The following VAC14 variants were observed in gnomAD, a reference collection of about 807,000 sequenced individuals.
VAC14 encodes VAC14 component of PIKFYVE complex.
Under a neutral mutation model 85.3 loss-of-function variants are expected in VAC14, and 47 were observed. The ratio of observed to expected loss-of-function variants is 0.55; its 90% confidence interval spans 0.44 to 0.70. VAC14 has a LOEUF of 0.70. VAC14 is among the 30% of genes least tolerant of loss of function. The probability of loss-of-function intolerance (pLI) is 0.00; values close to 1 mark genes in which losing one functional copy is unlikely to be tolerated. For synonymous variants in VAC14, 447 were observed against 430.5 expected, an observed-to-expected ratio of 1.04 and a Z score of -0.47; for missense variants, 861 against 1,004.3, an observed-to-expected ratio of 0.86 and a Z score of 1.93.
At chr16:70,727,662 C>A (rs1275760534) in intron 14 of VAC14, among the ~76,000 whole-genome samples, 1 of 152,188 alleles carries the variant, frequency 6.6e-6, no homozygotes, top group Non-Finnish European at 1.5e-5. Context: ...TTAAAGTCAT[C>A]GCAGGAGAAA....
At position 70,687,907 on chromosome 16, in the gene VAC14, CCCT is replaced by C. The variant is rs773209992; in HGVS notation, c.*18_*20del. ...GTGTTTCATGGGACCACTCGGTGGGCCCTCCTCCGTGCCAGGCCTGTCAGAGGA... is the reference window on the plus strand; with the variant it reads ...GTGTTTCATGGGACCACTCGGTGGGCCCTCCGTGCCAGGCCTGTCAGAGGA... On this transcript the variant is annotated 3_prime_UTR_variant, in exon 19 of 19. Transcript: ENST00000261776. 17 of 1,500,304 alleles carry C rather than the reference CCCT, an allele frequency of 1.1e-5. No individual in the cohort carries two copies. In the South Asian group the frequency reaches 2.0e-4, roughly 18 times the overall value. The allele number at this position is 1,500,304 out of a possible 1,614,324, so 92.9% of individuals were successfully genotyped here. A position where few individuals can be genotyped will look rare whatever the true frequency, so the allele number is the denominator to read the frequency against.
At chr16:70,721,998 T>C (rs1332092836) in intron 14 of VAC14, among the ~76,000 whole-genome samples, 4 of 152,114 alleles carry the variant, frequency 2.6e-5, no homozygotes, top group Admixed American at 6.5e-5. Flanking sequence ...TGCAGTACCC[T>C]GCAGATCACC....
At chr16:70,712,512 T>G (rs2054056691) in intron 14 of VAC14, among the ~76,000 whole-genome samples, 1 of 152,158 alleles carries the variant, frequency 6.6e-6, no homozygotes, top group South Asian at 2.1e-4. Context: ...AGAGGCAGTG[T>G]CTAGCCGGGC....
chr16:70,731,724 G>T, intron 13 of VAC14, 97 bp from the exon 14 acceptor site: 1 of 1,336,704 alleles, frequency 7.5e-7, no homozygotes, highest in South Asian at 1.6e-5. Flanking sequence ...ATGCCAAAAA[G>T]ATGTGTGTGG....
chr16:70,739,855 G>A (rs1023706528), intron 13 of VAC14, among the ~76,000 whole-genome samples: 1 of 152,200 alleles, frequency 6.6e-6, no homozygotes, highest in Admixed American at 6.5e-5. Context: ...TGGGCTACAA[G>A]GAATGAAACC....
chr16:70,730,594 C>CTTTT (rs34654239), intron 14 of VAC14, among the ~76,000 whole-genome samples: 5 of 106,544 alleles, frequency 4.7e-5, no homozygotes, highest in African/African-American at 8.4e-5. Context: ...GAGGCCCAGG[C>CTTTT]TTTTTTTTTT....
At chr16:70,780,670 T>C in intron 9 of VAC14, 120 bp downstream of exon 9, 2 of 1,281,922 alleles carry the variant, frequency 1.6e-6, no homozygotes, top group East Asian at 2.4e-5. Context: ...GCTACAATTG[T>C]GTGAGTGACA....
chr16:70,744,937 TG>T (rs1384228036), intron 12 of VAC14: 5 of 216,040 alleles, frequency 2.3e-5, no homozygotes, highest in Non-Finnish European at 4.6e-5. Flanking sequence ...CTGCACAGTG[TG>T]CACTTCAAGG....
chr16:70,792,075 T>A (rs554367326), intron 1 of VAC14, among the ~76,000 whole-genome samples: 61 of 152,350 alleles, frequency 4.0e-4, no homozygotes, highest in African/African-American at 1.4e-3. Context: ...CCGGCTTGGA[T>A]GACGCCTGAA....
At chr16:70,749,977 C>T (rs1400727050) in intron 12 of VAC14, among the ~76,000 whole-genome samples, 3 of 152,244 alleles carry the variant, frequency 2.0e-5, no homozygotes, top group Non-Finnish European at 4.4e-5. Context: ...GCTCTTCCAG[C>T]TGCACCTGGC....
chr16:70,772,716 C>T (rs1248896167), intron 9 of VAC14: 1 of 152,392 alleles, frequency 6.6e-6, no homozygotes, highest in African/African-American at 2.4e-5. Flanking sequence ...AGCAGCTCCA[C>T]TCCTAGGTAT....
intron 13 of VAC14, among the ~76,000 whole-genome samples, chr16:70,736,891 T>A (rs2054771910): frequency 7.4e-6 from 1 of 135,242 alleles, no homozygotes; most frequent in Non-Finnish European, 1.6e-5. Context: ...GGGCCACACT[T>A]GAAGGGGCAG....
intron 14 of VAC14, chr16:70,714,827 C>CG: frequency 1.3e-5 from 2 of 152,384 alleles, no homozygotes; most frequent in East Asian, 3.9e-4. Flanking sequence ...AACTAGCCTG[C>CG]GGTGTTTCAC....
intron 12 of VAC14, 194 bp from the exon 13 acceptor site, chr16:70,744,773 G>A (rs1196767040): frequency 3.4e-6 from 2 of 590,756 alleles, no homozygotes; most frequent in East Asian, 3.3e-5. Flanking sequence ...CCAGAATGAA[G>A]GGAACACAGA....
At chr16:70,705,431 A>G (rs573293121) in intron 14 of VAC14, among the ~76,000 whole-genome samples, 1 of 152,386 alleles carries the variant, frequency 6.6e-6, no homozygotes, top group South Asian at 2.1e-4. Context: ...CCTGGCGCTC[A>G]AGGGCAGGGA....
At chr16:70,796,363 C>G (rs889423254) in intron 1 of VAC14, among the ~76,000 whole-genome samples, 2 of 152,206 alleles carry the variant, frequency 1.3e-5, no homozygotes, top group African/African-American at 4.8e-5. Flanking sequence ...CTCACTGGAA[C>G]ACCATAGGCA....
At chr16:70,764,811 C>T (rs147902750) in intron 10 of VAC14, among the ~76,000 whole-genome samples, 1,915 of 152,306 alleles carry the variant, frequency 0.013, 24 homozygotes, top group Middle Eastern at 0.02. Context: ...ACGTGGCTGC[C>T]GCGGAGGCCC....
chr16:70,781,946 C>A lies in VAC14; in HGVS notation c.869G>T (p.Gly290Val). The part of the protein sequence containing the change: ...CWMREFIQLA[G>V]RVMLPYSSGI... ...GGAGGAGTAAGGCAGCATGACGCGGCCCGCCAGCTGGATGAACTCCCGCAT... is the reference window on the plus strand; with the variant it reads ...GGAGGAGTAAGGCAGCATGACGCGGACCGCCAGCTGGATGAACTCCCGCAT... The change falls in exon 8 of 19, where the codon GGC becomes GTC. Residue 290 changes from glycine (G) to valine (V), a missense_variant. Transcript: ENST00000261776. 1 of 1,614,132 alleles carries A rather than the reference C, an allele frequency of 6.2e-7. No individual in the cohort carries two copies. The highest frequency in any genetic ancestry group is 8.5e-7 in the Non-Finnish European group (1 of 1,180,040).
chr16:70,769,456 C>T (rs961566328), intron 10 of VAC14: 2 of 152,224 alleles, frequency 1.3e-5, no homozygotes, highest in African/African-American at 2.4e-5. Context: ...GGCTGGAGCC[C>T]GGGCATGTTG....
Sources: gnomAD v4.1 joint callset for allele counts (sites outside exome capture counted in the v4.1 genomes callset) on GRCh38, gnomAD v4.1.1 for gene constraint, MANE v1.5 for transcripts, NCBI Gene and HGNC (gene_info 2026-07-23, HGNC 2026-07-21) for gene names.